Variants in PLCB1 observed in about 807,000 individuals in gnomAD.
PLCB1 encodes the protein 1-phosphatidylinositol 4,5-bisphosphate phosphodiesterase beta-1.
PLCB1 carries 46 observed loss-of-function variants against 161.8 expected under a neutral mutation model. The observed-to-expected ratio is 0.28, with a 90% CI of 0.22 to 0.36. The LOEUF (loss-of-function observed/expected upper bound fraction) is 0.36, where lower values mean the gene tolerates loss of function less well. Among genes scored for constraint, PLCB1 ranks in the 10% least tolerant of loss-of-function variants. The pLI is 1.00. For synonymous variants in PLCB1, 517 were observed against 503.7 expected (o/e 1.03, Z -0.35); for missense variants, 1,016 against 1,472.5 (o/e 0.69, Z 5.07).
At chr20:8,469,609 A>G (rs1477889385) in intron 3 of PLCB1, among the ~76,000 whole-genome samples, 3 of 152,146 alleles carry the variant, frequency 2.0e-5, no homozygotes, top group African/African-American at 7.2e-5. Context: ...CATTGTTACT[A>G]ATTGAAATAC....
intron 2 of PLCB1, among the ~76,000 whole-genome samples, chr20:8,326,287 A>G (rs538782080): frequency 1.3e-4 from 20 of 152,240 alleles, no homozygotes; most frequent in Admixed American, 5.9e-4. Context: ...AAATTAAACT[A>G]TGTGGTTTAA....
At chr20:8,630,907 AG>A (rs1988565899) in intron 4 of PLCB1, among the ~76,000 whole-genome samples, 1 of 152,152 alleles carries the variant, frequency 6.6e-6, no homozygotes, top group Admixed American at 6.6e-5. Flanking sequence ...AATTTTCCTT[AG>A]GGATTTTTAT....
intron 31 of PLCB1, among the ~76,000 whole-genome samples, chr20:8,836,467 T>C (rs894257095): frequency 6.6e-6 from 1 of 152,208 alleles, no homozygotes; most frequent in Non-Finnish European, 1.5e-5. Context: ...CCAAGACTGA[T>C]ACAGATTTTT....
At position 8,717,939 on chromosome 20, in the gene PLCB1, C is replaced by T. The variant is rs941556775; in HGVS notation, c.1513+91C>T. 6 of 1,146,398 alleles carry T rather than the reference C, an allele frequency of 5.2e-6. No individual in the cohort carries two copies. The African/African-American group carries it at 9.4e-5, about 18-fold the overall frequency. 71.0% of individuals were successfully genotyped at this position (1,146,398 alleles called of 1,614,324 possible). A position where few individuals can be genotyped will look rare whatever the true frequency, so the allele number is the denominator to read the frequency against. On this transcript the variant is annotated intron_variant, in intron 14 of 31. Transcript: ENST00000338037. ...TGCGTGGTGGCTCATGCCTGTAATA[C>T]TACTACTTTTGGAGGCTGAGGCAGG...
At chr20:8,276,977 CTTCTTCTTCTTATTATTA>C (rs1177523228) in intron 2 of PLCB1, among the ~76,000 whole-genome samples, 43 of 96,008 alleles carry the variant, frequency 4.5e-4, no homozygotes, top group Non-Finnish European at 5.7e-4. Context: ...TCTTCTTCTT[CTTCTTCTTCTTATTATTA>C]TTATTATTAT....
intron 1 of PLCB1, 25 bp from the exon 2 acceptor site, chr20:8,150,269 T>C (rs1230620701): frequency 1.9e-6 from 2 of 1,045,574 alleles, no homozygotes; most frequent in Non-Finnish European, 2.9e-6. Context: ...TATGTTGATA[T>C]TCATGTTTCT....
At chr20:8,329,320 C>CTT (rs11477930) in intron 2 of PLCB1, among the ~76,000 whole-genome samples, 6 of 139,486 alleles carry the variant, frequency 4.3e-5, no homozygotes, top group African/African-American at 7.9e-5. Flanking sequence ...AAAATAAATA[C>CTT]TTTTTTTTTT....
intron 3 of PLCB1, among the ~76,000 whole-genome samples, chr20:8,381,459 A>T (rs1398836297): frequency 1.3e-5 from 2 of 152,222 alleles, no homozygotes; most frequent in Non-Finnish European, 2.9e-5. Flanking sequence ...TGGCTTCATG[A>T]AATGAGTTAG....
intron 3 of PLCB1, among the ~76,000 whole-genome samples, chr20:8,562,137 G>C (rs1178960272): frequency 6.6e-6 from 1 of 152,144 alleles, no homozygotes; most frequent in Admixed American, 6.5e-5. Context: ...GTGGGAAGCA[G>C]AAATTAAGAC....
rs1983200521 is a variant in PLCB1 at position 8,287,931 on chromosome 20, CA to C, written c.178-83450del. 7.9e-5 allele frequency among the ~76,000 whole-genome samples: 12 copies of C among 152,264 alleles called. No homozygotes were observed. The South Asian group carries it at 2.5e-3, about 32-fold the overall frequency. On this transcript the variant is annotated intron_variant, in intron 2 of 31. Transcript: ENST00000338037. Reference sequence around the variant, plus strand: ...AGAAGACAAAGATGTGTGTTGGACGCAGCCATTTTGAATATATTTGGCAGCA... The same window carrying C: ...AGAAGACAAAGATGTGTGTTGGACGCGCCATTTTGAATATATTTGGCAGCA...
chr20:8,556,987 T>TA (rs1985980994), intron 3 of PLCB1, among the ~76,000 whole-genome samples: 3 of 66,354 alleles, frequency 4.5e-5, no homozygotes, highest in Admixed American at 1.3e-4. Context: ...ATAAATAAAA[T>TA]AAATAAATAA....
chr20:8,624,427 GA>G (rs1254240972), intron 3 of PLCB1, among the ~76,000 whole-genome samples: 2 of 152,170 alleles, frequency 1.3e-5, no homozygotes, highest in African/African-American at 2.4e-5. Flanking sequence ...TAAAGGTCAT[GA>G]AGAGATGTTT....
intron 2 of PLCB1, among the ~76,000 whole-genome samples, chr20:8,170,555 T>C (rs1213750334): frequency 6.6e-6 from 1 of 152,112 alleles, no homozygotes; most frequent in African/African-American, 2.4e-5. Context: ...AACAAATCAA[T>C]AAATCTGTAG....
chr20:8,256,463 A>G (rs1188690647), intron 2 of PLCB1, among the ~76,000 whole-genome samples: 1 of 152,116 alleles, frequency 6.6e-6, no homozygotes, highest in Non-Finnish European at 1.5e-5. Flanking sequence ...GGGCAAAGAC[A>G]GGGCTCCAAG....
At chr20:8,540,705 A>G (rs1440815009) in intron 3 of PLCB1, among the ~76,000 whole-genome samples, 2 of 151,122 alleles carry the variant, frequency 1.3e-5, no homozygotes, top group African/African-American at 2.4e-5. Context: ...GAGAGACAGG[A>G]TTAAGGTTAT....
intron 2 of PLCB1, among the ~76,000 whole-genome samples, chr20:8,202,287 G>C (rs2052101062): frequency 6.6e-6 from 1 of 152,212 alleles, no homozygotes. Context: ...TGTTGGCTAG[G>C]CTGGTCTCCA....
At chr20:8,214,264 T>G (rs1978995804) in intron 2 of PLCB1, among the ~76,000 whole-genome samples, 1 of 152,140 alleles carries the variant, frequency 6.6e-6, no homozygotes, top group Non-Finnish European at 1.5e-5. Context: ...AGGTGGGGCC[T>G]GGTGGAAGGT....
intron 2 of PLCB1, among the ~76,000 whole-genome samples, chr20:8,362,881 A>G (rs1350451280): frequency 2.0e-5 from 3 of 152,194 alleles, no homozygotes; most frequent in Admixed American, 6.5e-5. Context: ...TTTAGAAAAA[A>G]GTAAGTTTGG....
chr20:8,489,279 G>T (rs547507983), intron 3 of PLCB1, among the ~76,000 whole-genome samples: 1 of 152,210 alleles, frequency 6.6e-6, no homozygotes, highest in East Asian at 1.9e-4. Flanking sequence ...TTGCGTGGCA[G>T]GACATTGGGT....
Sources: allele counts gnomAD v4.1 joint callset (sites outside exome capture counted in the v4.1 genomes callset), GRCh38; gene constraint gnomAD v4.1.1; transcripts MANE v1.5; gene names NCBI Gene and HGNC (gene_info 2026-07-23, HGNC 2026-07-21).